The following SLC24A2 variants were observed in gnomAD, a reference collection of about 807,000 sequenced individuals.
SLC24A2 encodes solute carrier family 24 member 2, also known as sodium/potassium/calcium exchanger 2.
SLC24A2 carries 36 observed loss-of-function variants against 62.0 expected under a neutral mutation model. That is an observed-to-expected ratio of 0.58 (90% CI 0.44 to 0.77). SLC24A2 has a LOEUF of 0.77. SLC24A2 is among the 30% of genes least tolerant of loss of function. SLC24A2 has a pLI of 0.00. For synonymous variants in SLC24A2, 358 were observed against 294.0 expected, an observed-to-expected ratio of 1.22 and a Z score of -2.23; for missense variants, 846 against 817.9, an observed-to-expected ratio of 1.03 and a Z score of -0.42.
intron 2 of SLC24A2, among the ~76,000 whole-genome samples, chr9:19,678,600 C>T (rs535992356): frequency 6.6e-6 from 1 of 152,274 alleles, no homozygotes; most frequent in Non-Finnish European, 1.5e-5. Context: ...GAAGCATTTA[C>T]CATAGCATGT....
intron 2 of SLC24A2, among the ~76,000 whole-genome samples, chr9:19,660,099 G>A (rs1207479353): frequency 6.6e-6 from 1 of 152,192 alleles, no homozygotes; most frequent in East Asian, 1.9e-4. Context: ...GTTTTCCTCT[G>A]CCGCACAGGA....
At chr9:19,961,144 AG>A in the SLC24A2 span, among the ~76,000 whole-genome samples, 3 of 116,242 alleles carry the variant, frequency 2.6e-5, no homozygotes, top group Admixed American at 1.5e-4. Context: ...GAAAGGGGAG[AG>A]AGAGAGAGAG....
At chr9:20,239,470 G>C in the SLC24A2 span, among the ~76,000 whole-genome samples, 1 of 151,928 alleles carries the variant, frequency 6.6e-6, no homozygotes, top group Non-Finnish European at 1.5e-5. Flanking sequence ...AAGGGGGCCT[G>C]GTCAGGGAGA....
the SLC24A2 span, among the ~76,000 whole-genome samples, chr9:19,955,042 C>T: frequency 6.6e-6 from 1 of 151,824 alleles, no homozygotes; most frequent in Non-Finnish European, 1.5e-5. Context: ...TATTTTATTT[C>T]TCTACATTTT....
the SLC24A2 span, among the ~76,000 whole-genome samples, chr9:19,994,043 G>A: frequency 1.3e-5 from 2 of 152,200 alleles, no homozygotes; most frequent in Non-Finnish European, 2.9e-5. Flanking sequence ...GTAGATTGCA[G>A]AAGTTCACAT....
the SLC24A2 span, among the ~76,000 whole-genome samples, chr9:19,965,413 C>T: frequency 6.6e-6 from 1 of 152,160 alleles, no homozygotes; most frequent in Non-Finnish European, 1.5e-5. Flanking sequence ...ATCAGAGAAC[C>T]AACTATTTGC....
intron 7 of SLC24A2, among the ~76,000 whole-genome samples, chr9:19,558,997 C>G (rs538868684): frequency 6.6e-6 from 1 of 152,244 alleles, no homozygotes; most frequent in East Asian, 1.9e-4. Flanking sequence ...TGGTTTTCTA[C>G]TAAATAGGAA....
At chr9:19,540,034 C>CT (rs1834174021) in intron 8 of SLC24A2, among the ~76,000 whole-genome samples, 1 of 26,146 alleles carries the variant, frequency 3.8e-5, no homozygotes, top group Non-Finnish European at 7.1e-5. Flanking sequence ...CAACCCCTGC[C>CT]TTTTTTTGTT....
chr9:20,266,013 G>T, the SLC24A2 span, among the ~76,000 whole-genome samples: 1 of 152,162 alleles, frequency 6.6e-6, no homozygotes, highest in Non-Finnish European at 1.5e-5. Flanking sequence ...CCAGTTGTCT[G>T]CTCTCAAACC....
intron 2 of SLC24A2, among the ~76,000 whole-genome samples, chr9:19,752,984 T>C (rs1434510914): frequency 6.6e-6 from 1 of 152,206 alleles, no homozygotes; most frequent in African/African-American, 2.4e-5. Context: ...AAATAGCAGA[T>C]GCAAGAAAAA....
At chr9:20,225,769 G>A in the SLC24A2 span, among the ~76,000 whole-genome samples, 5 of 150,912 alleles carry the variant, frequency 3.3e-5, no homozygotes, top group African/African-American at 4.9e-5. Context: ...TGGGAGAACT[G>A]TTAGATGTTA....
rs574952102 is a variant in SLC24A2, at chr9:19,780,762, A to C, written c.930+5175T>G. Among the ~76,000 whole-genome samples the C allele has an allele frequency of 2.6e-5, 4 of 151,290 alleles. No individual in the cohort carries two copies. The South Asian group carries it at 6.2e-4, about 24-fold the overall frequency. ...GTGGCAGGCACCTGTAGTCTCAGCT[A>C]CTCAGGAGGCTGAGGCAGGAGAATG... On this transcript the variant is annotated intron_variant, in intron 2 of 10. Coordinates refer to ENST00000341998, the MANE Select transcript of SLC24A2 (RefSeq NM_020344.4).
chr9:20,216,895 A>T, the SLC24A2 span, among the ~76,000 whole-genome samples: 1 of 152,204 alleles, frequency 6.6e-6, no homozygotes, highest in East Asian at 1.9e-4. Context: ...GAGAAAAAAT[A>T]TAATTAAATG....
At chr9:19,844,715 A>G in the SLC24A2 span, among the ~76,000 whole-genome samples, 527 of 152,140 alleles carry the variant, frequency 3.5e-3, 2 homozygotes, top group African/African-American at 0.012. Flanking sequence ...GGCAGGGGTC[A>G]AGTTTCATTC....
At chr9:19,542,121 G>T (rs370581758) in intron 8 of SLC24A2, among the ~76,000 whole-genome samples, 3 of 152,180 alleles carry the variant, frequency 2.0e-5, no homozygotes, top group East Asian at 3.9e-4. Flanking sequence ...TCCCTAGTGA[G>T]ATGAACCCGG....
At chr9:20,142,852 T>C in the SLC24A2 span, among the ~76,000 whole-genome samples, 2 of 152,186 alleles carry the variant, frequency 1.3e-5, no homozygotes, top group African/African-American at 4.8e-5. Flanking sequence ...CACCTTGGCT[T>C]CCCAAAGTGC....
chr9:19,950,729 C>G, the SLC24A2 span, among the ~76,000 whole-genome samples: 1 of 152,184 alleles, frequency 6.6e-6, no homozygotes, highest in Admixed American at 6.5e-5. Flanking sequence ...GGGAAGTGGT[C>G]TGGAGATGGG....
chr9:20,132,970 A>T, the SLC24A2 span, among the ~76,000 whole-genome samples: 3 of 152,138 alleles, frequency 2.0e-5, no homozygotes, highest in Non-Finnish European at 4.4e-5. Flanking sequence ...TGATTTGTCA[A>T]TGTGGCTAGG....
chr9:19,755,832 T>C (rs971718264), intron 2 of SLC24A2, among the ~76,000 whole-genome samples: 4 of 152,230 alleles, frequency 2.6e-5, no homozygotes, highest in African/African-American at 7.2e-5. Context: ...CTGGTTATTA[T>C]AATTTTACTC....
Sources: gnomAD v4.1 joint callset for allele counts (sites outside exome capture counted in the v4.1 genomes callset) on GRCh38, gnomAD v4.1.1 for gene constraint, MANE v1.5 for transcripts, NCBI Gene and HGNC (gene_info 2026-07-23, HGNC 2026-07-21) for gene names.